The following RCOR1 variants were observed in gnomAD, a reference collection of about 807,000 sequenced individuals.
RCOR1 encodes the protein REST corepressor 1.
RCOR1 carries 12 observed loss-of-function variants against 64.0 expected under a neutral mutation model. The observed-to-expected ratio is 0.19, with a 90% CI of 0.12 to 0.30. RCOR1 has a LOEUF of 0.30. Ranked by LOEUF, RCOR1 falls within the 10% of genes least tolerant of loss-of-function variation. RCOR1 has a pLI of 1.00. For missense variants in RCOR1, 502 were observed against 621.2 expected (o/e 0.81, Z 2.04); for synonymous variants, 279 against 227.2 (o/e 1.23, Z -2.05).
intron 2 of RCOR1, among the ~76,000 whole-genome samples, chr14:102,631,357 CA>C (rs1246476385): frequency 6.6e-6 from 1 of 151,906 alleles, no homozygotes; most frequent in Non-Finnish European, 1.5e-5. Flanking sequence ...CACCCGCCAC[CA>C]TGCCCAGCTA....
chr14:102,645,120 C>G (rs546299751), intron 2 of RCOR1, among the ~76,000 whole-genome samples: 22 of 152,282 alleles, frequency 1.4e-4, no homozygotes, highest in South Asian at 6.2e-4. Flanking sequence ...ACAGGAACCA[C>G]ACTTAGCCTG....
Position 102,730,114 on chromosome 14 carries a change from A to T in RCOR1, c.*3608A>T, listed in dbSNP as rs1297976871. On this transcript the variant is annotated 3_prime_UTR_variant, in exon 12 of 12. Coordinates refer to ENST00000262241, the MANE Select transcript of RCOR1 (RefSeq NM_015156.4). ...CAGAGGCTATGCATGTTGTGTGATG[A>T]TGAGTGTTTACAGCCACCTTCTCCT... 1.0e-5 allele frequency: 4 copies of T among 398,516 alleles called. No individual in the cohort carries two copies. Among genetic ancestry groups the T allele is most frequent in the Non-Finnish European group, 1.8e-5 (4 of 226,024 alleles). The allele number at this position is 398,516 out of a possible 1,614,324, so 24.7% of individuals were successfully genotyped here.
chr14:102,629,538 C>T (rs1392007133), intron 2 of RCOR1, among the ~76,000 whole-genome samples: 1 of 150,508 alleles, frequency 6.6e-6, no homozygotes, highest in Non-Finnish European at 1.5e-5. Context: ...GACGGAATTT[C>T]GAAGCTTTGT....
In RCOR1 at chr14:102,681,942, G is replaced by T. The variant is rs767788204; in HGVS notation, c.409G>T (p.Val137Phe). 9 of 1,613,830 alleles carry T rather than the reference G, an allele frequency of 5.6e-6. No homozygotes were observed. Among genetic ancestry groups the T allele is most frequent in the Non-Finnish European group, 7.6e-6 (9 of 1,179,844 alleles). The change falls in exon 3 of 12, where the codon GTC (valine) becomes TTC (phenylalanine). Residue 137 changes from valine (V) to phenylalanine (F), a missense_variant. Physicochemically the swap from Val to Phe is conservative, Grantham distance 50 (BLOSUM62 -1). Around this residue, in one of 2 missense-constraint regions of RCOR1, gnomAD observed 242 missense variants for 204.9 expected, o/e 1.18. Coordinates refer to ENST00000262241, the MANE Select transcript of RCOR1 (RefSeq NM_015156.4). ...SQERDNLGML[V>F]WSPNQNLSEA... ...AGAACGGGACAATCTTGGCATGTTG[G>T]TCTGGTCACCCAATCAAAATCTGTC...
chr14:102,657,667 G>T (rs1160679302), intron 2 of RCOR1: 1 of 468,152 alleles, frequency 2.1e-6, no homozygotes. Context: ...GTGAAACCCT[G>T]TCTGTAGTAA....
At chr14:102,597,567 G>A (rs1893283193) in intron 2 of RCOR1, among the ~76,000 whole-genome samples, 1 of 149,342 alleles carries the variant, frequency 6.7e-6, no homozygotes, top group Non-Finnish European at 1.5e-5. Flanking sequence ...GACCTCAGGT[G>A]ATCCACCCAC....
At chr14:102,675,919 T>G (rs559727276) in intron 2 of RCOR1, among the ~76,000 whole-genome samples, 13 of 152,346 alleles carry the variant, frequency 8.5e-5, no homozygotes, top group African/African-American at 2.9e-4. Context: ...AGGTCTAGGT[T>G]GTTGAATATA....
Position 102,710,741 on chromosome 14 carries a change from G to A in RCOR1, c.780-194G>A. 4 of 558,086 alleles carry A rather than the reference G, an allele frequency of 7.2e-6. No homozygotes were observed. In the South Asian group the frequency reaches 9.8e-5, roughly 14 times the overall value. 34.6% of individuals were successfully genotyped at this position (558,086 alleles called of 1,614,324 possible). On this transcript the variant is annotated intron_variant, in intron 6 of 11. Transcript: ENST00000262241. ...TCATCACTTAGACTGAAAGAACTAT[G>A]GAGTTGGTATTCTGTTTGAATTACA...
intron 3 of RCOR1, among the ~76,000 whole-genome samples, chr14:102,688,120 C>A (rs1294045155): frequency 6.6e-6 from 1 of 152,124 alleles, no homozygotes; most frequent in Non-Finnish European, 1.5e-5. Flanking sequence ...GCGTGTGCCA[C>A]CACACCCGGC....
In RCOR1 at chr14:102,729,236, A is replaced by G. The variant is rs1896324973; in HGVS notation, c.*2730A>G. The stretch of plus-strand genomic sequence containing the variant: ...TATAAATTGTATTGCATATGCATTA[A>G]AAGTTTGTTTTATTTAATTTTATGT... On this transcript the variant is annotated 3_prime_UTR_variant, in exon 12 of 12. Transcript: ENST00000262241. The G allele has an allele frequency of 6.5e-6, 1 of 152,686 alleles. No individual in the cohort carries two copies. Among genetic ancestry groups the G allele is most frequent in the Admixed American group, 6.5e-5 (1 of 15,286 alleles). The allele number at this position is 152,686 out of a possible 1,614,324, so 9.5% of individuals were successfully genotyped here.
At chr14:102,664,817 AAAG>A (rs1265734245) in intron 2 of RCOR1, among the ~76,000 whole-genome samples, 1 of 152,232 alleles carries the variant, frequency 6.6e-6, no homozygotes, top group Non-Finnish European at 1.5e-5. Context: ...AATAGAGGAG[AAAG>A]AAAATCATAA....
chr14:102,682,717 T>C (rs1251450957), intron 3 of RCOR1, among the ~76,000 whole-genome samples: 2 of 152,356 alleles, frequency 1.3e-5, no homozygotes, highest in African/African-American at 4.8e-5. Flanking sequence ...GAACTGAATA[T>C]GAAGAATACT....
In RCOR1 at chr14:102,630,531, A is replaced by G. The variant is rs573986820; in HGVS notation, c.361+37206A>G. Among the ~76,000 whole-genome samples the G allele has an allele frequency of 2.0e-5, 3 of 152,358 alleles. No individual in the cohort carries two copies. In the East Asian group the frequency reaches 5.8e-4, roughly 29 times the overall value. Reference sequence around the variant, plus strand: ...CATTCAAAGCAACTGTTCAAAGGTAAGAATCCTATCAGGGATCAGTGCAGA... The same window carrying G: ...CATTCAAAGCAACTGTTCAAAGGTAGGAATCCTATCAGGGATCAGTGCAGA... On this transcript the variant is annotated intron_variant, in intron 2 of 11. Coordinates refer to ENST00000262241, the MANE Select transcript of RCOR1 (RefSeq NM_015156.4).
rs74084126 is a variant in RCOR1, at chr14:102,699,991, C to T, written c.446-1287C>T. Among the ~76,000 whole-genome samples, 728 of 152,140 alleles carry T rather than the reference C, an allele frequency of 4.8e-3. 9 individuals are homozygous for T. The highest frequency in any genetic ancestry group is 0.017 in the African/African-American group (702 of 41,504). ...TTCCATGGTTCTTGAAAGCTAGCCA[C>T]CTTATATTGGAGTAGTACATATTTG... On this transcript the variant is annotated intron_variant, in intron 3 of 11. Coordinates refer to ENST00000262241, the MANE Select transcript of RCOR1 (RefSeq NM_015156.4).
chr14:102,711,481 G>A (rs1895956784), intron 7 of RCOR1, among the ~76,000 whole-genome samples: 1 of 152,238 alleles, frequency 6.6e-6, no homozygotes, highest in Non-Finnish European at 1.5e-5. Flanking sequence ...ACACCAGGGG[G>A]AGCCAGGACC....
chr14:102,695,080 G>C (rs1895617266), intron 3 of RCOR1, among the ~76,000 whole-genome samples: 1 of 152,214 alleles, frequency 6.6e-6, no homozygotes, highest in African/African-American at 2.4e-5. Context: ...TAGGGGGAGG[G>C]AAGGGTGAGT....
intron 2 of RCOR1, among the ~76,000 whole-genome samples, chr14:102,609,983 T>C (rs936369528): frequency 5.9e-5 from 9 of 151,978 alleles, no homozygotes; most frequent in Non-Finnish European, 1.0e-4. Context: ...CTGTCTCTAC[T>C]AAACATACAA....
At chr14:102,593,434 C>G (rs887085458) in intron 2 of RCOR1, 109 bp downstream of exon 2, 2 of 1,184,760 alleles carry the variant, frequency 1.7e-6, no homozygotes, top group Non-Finnish European at 2.2e-6. Context: ...TGTGCGTTCG[C>G]CCTGCCGTCC....
At chr14:102,607,360 C>T (rs1893532519) in intron 2 of RCOR1, among the ~76,000 whole-genome samples, 1 of 152,102 alleles carries the variant, frequency 6.6e-6, no homozygotes, top group Admixed American at 6.6e-5. Context: ...TCTTGCTTTC[C>T]TTATAATGAA....
Sources: allele counts gnomAD v4.1 joint callset (sites outside exome capture counted in the v4.1 genomes callset), GRCh38; gene constraint gnomAD v4.1.1; regional missense constraint gnomAD v4.1.1; transcripts MANE v1.5; gene names NCBI Gene and HGNC (gene_info 2026-07-23, HGNC 2026-07-21).